Variants in ENPP6 observed in about 807,000 individuals in gnomAD.
The protein encoded by ENPP6 is glycerophosphocholine cholinephosphodiesterase ENPP6.
Under a neutral mutation model 42.0 loss-of-function variants are expected in ENPP6, and 32 were observed. That is an observed-to-expected ratio of 0.76 (90% confidence interval 0.58 to 1.02). The LOEUF is 1.02. Ranked by LOEUF, ENPP6 falls within the 50% of genes least tolerant of loss-of-function variation. ENPP6 has a pLI of 0.00. For synonymous variants in ENPP6, 213 were observed against 216.0 expected, an observed-to-expected ratio of 0.99 and a Z score of 0.12; for missense variants, 552 against 566.8, an observed-to-expected ratio of 0.97 and a Z score of 0.27.
chr4:184,151,667 G>C (rs926130212), intron 2 of ENPP6, among the ~76,000 whole-genome samples: 1 of 152,172 alleles, frequency 6.6e-6, no homozygotes, highest in Non-Finnish European at 1.5e-5. Context: ...TTGTTTCCGG[G>C]TGGTCCCTAA....
At chr4:184,194,911 T>C (rs967105708) in intron 1 of ENPP6, among the ~76,000 whole-genome samples, 1 of 152,156 alleles carries the variant, frequency 6.6e-6, no homozygotes, top group Non-Finnish European at 1.5e-5. Flanking sequence ...GGACTGCCTA[T>C]GACCTAAGGA....
At chr4:184,097,163 C>T in intron 7 of ENPP6, 82 bp downstream of exon 7, 1 of 1,577,650 alleles carries the variant, frequency 6.3e-7, no homozygotes. Context: ...ATCCCTGCAG[C>T]CTCTCCTGGC....
In ENPP6 at chr4:184,184,939, G is replaced by A. The variant is rs1449267980; in HGVS notation, c.242-31206C>T. ...CCTAGGGAGCTGACACAAAGGCTGC[G>A]AGACAGGAGGAATGGGAGGAGAGGA... On this transcript the variant is annotated intron_variant, in intron 1 of 7. Transcript: ENST00000296741. The surrounding 1 kb of genome is among the most constrained non-coding windows in gnomAD (Gnocchi z 4.7). Among the ~76,000 whole-genome samples the A allele has an allele frequency of 3.3e-5, 5 of 152,166 alleles. No individual in the cohort carries two copies. The highest frequency in any genetic ancestry group is 6.5e-5 in the Admixed American group (1 of 15,274).
At chr4:184,195,736 G>C (rs1732783924) in intron 1 of ENPP6, among the ~76,000 whole-genome samples, 1 of 152,176 alleles carries the variant, frequency 6.6e-6, no homozygotes, top group Non-Finnish European at 1.5e-5. Context: ...ATGTGTTCAA[G>C]GATCATGGAT....
chr4:184,201,877 G>GA (rs1202316483), intron 1 of ENPP6, among the ~76,000 whole-genome samples: 2 of 152,120 alleles, frequency 1.3e-5, no homozygotes, highest in Non-Finnish European at 2.9e-5. Flanking sequence ...AGTTTAAGTG[G>GA]AAAAAATGTT....
intron 1 of ENPP6, among the ~76,000 whole-genome samples, chr4:184,173,862 A>G (rs34784802): frequency 0.018 from 2,811 of 152,274 alleles, 43 homozygotes; most frequent in Non-Finnish European, 0.025. Context: ...ACACGTCACC[A>G]CAGGCTGAGT....
At chr4:184,210,808 CT>C (rs1344719658) in intron 1 of ENPP6, among the ~76,000 whole-genome samples, 19 of 152,176 alleles carry the variant, frequency 1.2e-4, no homozygotes, top group South Asian at 1.2e-3. Flanking sequence ...CACACAACAC[CT>C]ATTCCAAAAT....
chr4:184,096,679 G>T (rs184595286), intron 7 of ENPP6, among the ~76,000 whole-genome samples: 1 of 152,122 alleles, frequency 6.6e-6, no homozygotes, highest in African/African-American at 2.4e-5. Flanking sequence ...GAAAGACACA[G>T]CAAATTTGCT....
chr4:184,106,647 T>G (rs1310836113), intron 6 of ENPP6, among the ~76,000 whole-genome samples: 3 of 152,072 alleles, frequency 2.0e-5, no homozygotes, highest in Admixed American at 1.3e-4. Flanking sequence ...CGGTCTCCTG[T>G]TGCCCCCACC....
chr4:184,145,343 C>A lies in ENPP6; in HGVS notation c.421+8211G>T, dbSNP rs1266571559. ...TTTCTTCCTTCCCTTCCTTTCTATC[C>A]TCTCCCCTTTTTCTTCTTTATTTTT... On this transcript the variant is annotated intron_variant, in intron 2 of 7. Transcript: ENST00000296741. Among the ~76,000 whole-genome samples the A allele has an allele frequency of 2.6e-5, 4 of 151,998 alleles. No homozygotes were observed. The East Asian group carries it at 7.7e-4, about 29-fold the overall frequency.
chr4:184,124,821 G>A (rs763741593), intron 2 of ENPP6, among the ~76,000 whole-genome samples: 16 of 152,272 alleles, frequency 1.1e-4, no homozygotes, highest in East Asian at 3.9e-4. Flanking sequence ...GGTCTGAGCC[G>A]TACCCTTGCC....
At chr4:184,130,428 G>C (rs1431999503) in intron 2 of ENPP6, among the ~76,000 whole-genome samples, 1 of 106,668 alleles carries the variant, frequency 9.4e-6, no homozygotes, top group Non-Finnish European at 2.1e-5. Flanking sequence ...CGTGGTGGTG[G>C]GCACCTGTAG....
intron 1 of ENPP6, among the ~76,000 whole-genome samples, chr4:184,159,243 A>G (rs1737224215): frequency 3.3e-5 from 5 of 152,248 alleles, no homozygotes; most frequent in Admixed American, 3.3e-4. Flanking sequence ...TTATAGAAAA[A>G]GCAAATTTGC....
chr4:184,092,940 T>C lies in ENPP6; in HGVS notation c.1118-1558A>G, dbSNP rs114400797. The stretch of plus-strand genomic sequence containing the variant: ...TTGCAGAGGTATCAACACCAAATTC[T>C]GCTCCTCTATTTATCCTGGAATTAT... On this transcript the variant is annotated intron_variant, in intron 7 of 7. Coordinates refer to ENST00000296741, the MANE Select transcript of ENPP6 (RefSeq NM_153343.4). Among the ~76,000 whole-genome samples the C allele has an allele frequency of 1.4e-3, 210 of 152,358 alleles. 1 individual carries two copies. The highest frequency in any genetic ancestry group is 4.9e-3 in the African/African-American group (202 of 41,580).
chr4:184,184,683 A>G lies in ENPP6; in HGVS notation c.242-30950T>C, dbSNP rs1039670889. ...CCAATGGCAAGAGGTCTTATAAGGAAGGGAGACAGTCACATGTCAATAGAG... is the reference window on the plus strand; with the variant it reads ...CCAATGGCAAGAGGTCTTATAAGGAGGGGAGACAGTCACATGTCAATAGAG... On this transcript the variant is annotated intron_variant, in intron 1 of 7. Transcript: ENST00000296741. The surrounding 1 kb of genome is among the most constrained non-coding windows in gnomAD (Gnocchi z 4.7). 1.3e-5 allele frequency among the ~76,000 whole-genome samples: 2 copies of G among 152,166 alleles called. No individual in the cohort carries two copies. The highest frequency in any genetic ancestry group is 2.9e-5 in the Non-Finnish European group (2 of 68,026).
intron 1 of ENPP6, among the ~76,000 whole-genome samples, chr4:184,188,632 G>A (rs749758473): frequency 2.6e-5 from 4 of 152,134 alleles, no homozygotes; most frequent in African/African-American, 4.8e-5. Context: ...GTGGGGAGAC[G>A]ATGCCACATT....
intron 5 of ENPP6, among the ~76,000 whole-genome samples, chr4:184,114,540 C>T (rs998848641): frequency 5.3e-5 from 8 of 151,924 alleles, no homozygotes; most frequent in South Asian, 2.1e-4. Flanking sequence ...AAAAATCTAG[C>T]GACACACAGC....
chr4:184,171,655 A>T (rs755155108), intron 1 of ENPP6, among the ~76,000 whole-genome samples: 9 of 152,244 alleles, frequency 5.9e-5, no homozygotes, highest in Non-Finnish European at 1.2e-4. Flanking sequence ...CCATTTAAAG[A>T]AGAAACTATT....
At chr4:184,155,377 A>C (rs7689119) in intron 1 of ENPP6, among the ~76,000 whole-genome samples, 1 of 152,212 alleles carries the variant, frequency 6.6e-6, no homozygotes, top group Admixed American at 6.5e-5. Context: ...AACCATGATC[A>C]TATCTGTAGG....
Sources: allele counts gnomAD v4.1 joint callset (sites outside exome capture counted in the v4.1 genomes callset), GRCh38; gene constraint gnomAD v4.1.1; non-coding constraint Gnocchi (gnomAD v3.1); transcripts MANE v1.5; gene names NCBI Gene and HGNC (gene_info 2026-07-23, HGNC 2026-07-21).